Variants in PSMF1 observed in about 807,000 individuals in gnomAD.
PSMF1 encodes the protein proteasome inhibitor PI31 subunit.
A neutral mutation model predicts 29.3 loss-of-function variants in PSMF1; 30 were observed. The observed-to-expected ratio is 1.02, with a 90% CI of 0.77 to 1.39. The LOEUF (loss-of-function observed/expected upper bound fraction) is 1.39, where lower values mean the gene tolerates loss of function less well. Ranked by LOEUF, PSMF1 falls within the 40% of genes most tolerant of loss-of-function variation. The pLI is 0.00. For missense variants in PSMF1, 344 were observed against 357.5 expected, an observed-to-expected ratio of 0.96 and a Z score of 0.31; for synonymous variants, 134 against 139.7, an observed-to-expected ratio of 0.96 and a Z score of 0.29.
At chr20:1,142,195 C>G (rs1003542912) in intron 4 of PSMF1, among the ~76,000 whole-genome samples, 1 of 152,224 alleles carries the variant, frequency 6.6e-6, no homozygotes, top group Non-Finnish European at 1.5e-5. Context: ...CCACTGCACT[C>G]CAGCCTGAAC....
rs184955779 is a variant in PSMF1, at chr20:1,156,983, T to C, written c.552-6147T>C. Among the ~76,000 whole-genome samples, 268 of 152,278 alleles carry C rather than the reference T, an allele frequency of 1.8e-3. 1 individual carries two copies. The highest frequency in any genetic ancestry group is 5.9e-3 in the African/African-American group (246 of 41,548). On this transcript the variant is annotated intron_variant, in intron 4 of 6. Coordinates refer to ENST00000335877, the MANE Select transcript of PSMF1 (RefSeq NM_006814.5). Reference sequence around the variant, plus strand: ...GGGGAGTTTATTAAGTATTAACTTATACGATCACAAGGTCCCACAATAGGC... The same window carrying C: ...GGGGAGTTTATTAAGTATTAACTTACACGATCACAAGGTCCCACAATAGGC...
In PSMF1 at chr20:1,166,643, G is replaced by A. The variant is rs181663182; in HGVS notation, c.*1563G>A. On this transcript the variant is annotated 3_prime_UTR_variant, in exon 7 of 7. Transcript: ENST00000335877. ...AGTCCCCATGGCAAGCAGTGATTTA[G>A]TAAAACACCCCAGAGTCAGGGAAGC... is the stretch of plus-strand genomic sequence containing the variant. The A allele has an allele frequency of 6.6e-4, 152 of 229,050 alleles. No homozygotes were observed. Among genetic ancestry groups the A allele is most frequent in the African/African-American group, 3.2e-3 (144 of 45,200 alleles). The allele number at this position is 229,050 out of a possible 1,614,324, so 14.2% of individuals were successfully genotyped here. A position where few individuals can be genotyped will look rare whatever the true frequency, so the allele number is the denominator to read the frequency against.
rs759564780 is a variant in PSMF1, at chr20:1,170,705, A to C, written c.*5625A>C. On this transcript the variant is annotated 3_prime_UTR_variant, in exon 7 of 7. Coordinates refer to ENST00000335877, the MANE Select transcript of PSMF1 (RefSeq NM_006814.5). Reference sequence around the variant, plus strand: ...CCCCTACCTGCAGGATTCTTGCAAGATCCAACCAAATAATGTGTCTTATTA... The same window carrying C: ...CCCCTACCTGCAGGATTCTTGCAAGCTCCAACCAAATAATGTGTCTTATTA... Among the ~76,000 whole-genome samples the C allele has an allele frequency of 6.6e-6, 1 of 151,762 alleles. No homozygotes were observed. The highest frequency in any genetic ancestry group is 1.5e-5 in the Non-Finnish European group (1 of 67,962).
At chr20:1,126,413 A>G (rs1027810061) in intron 2 of PSMF1, among the ~76,000 whole-genome samples, 1 of 152,204 alleles carries the variant, frequency 6.6e-6, no homozygotes, top group African/African-American at 2.4e-5. Context: ...ATGGAAATAC[A>G]TATAGATATA....
intron 4 of PSMF1, among the ~76,000 whole-genome samples, chr20:1,142,739 A>G (rs1327976631): frequency 2.6e-5 from 4 of 152,230 alleles, no homozygotes; most frequent in African/African-American, 4.8e-5. Flanking sequence ...ATATATGTGC[A>G]TGTGTCTTTA....
intron 4 of PSMF1, among the ~76,000 whole-genome samples, chr20:1,159,628 G>A (rs955108356): frequency 1.3e-5 from 2 of 152,146 alleles, no homozygotes; most frequent in African/African-American, 4.8e-5. Flanking sequence ...CTGGGCGGGG[G>A]GGCACTTCAT....
At chr20:1,129,330 G>A (rs2086200173) in intron 3 of PSMF1, among the ~76,000 whole-genome samples, 1 of 152,186 alleles carries the variant, frequency 6.6e-6, no homozygotes, top group African/African-American at 2.4e-5. Flanking sequence ...TAAATGCACA[G>A]TTATCAAACC....
rs6032977 is a variant in PSMF1 at position 1,159,068 on chromosome 20, A to G, written c.552-4062A>G. On this transcript the variant is annotated intron_variant, in intron 4 of 6. Transcript: ENST00000335877. ...GAGACTCCGTCTCACAAAAAAAAAA[A>G]AAAGAAGAAGTAAATGGGTTCTAAG... Among the ~76,000 whole-genome samples the G allele has an allele frequency of 9.0e-5, 9 of 99,638 alleles. 1 individual carries two copies. In the South Asian group the frequency reaches 2.8e-3, roughly 32 times the overall value. The allele number at this position is 99,638 out of a possible 152,430, so 65.4% of individuals were successfully genotyped here.
In PSMF1 at chr20:1,135,200, G is replaced by A; in HGVS notation, c.445G>A (p.Ala149Thr). 1 of 1,614,114 alleles carries A rather than the reference G, an allele frequency of 6.2e-7. No individual in the cohort carries two copies. The highest frequency in any genetic ancestry group is 1.1e-5 in the South Asian group (1 of 91,088). Residue 149 changes from alanine (A) to threonine (T), a missense_variant, in exon 4 of 7, where the codon GCT becomes ACT. Coordinates refer to ENST00000335877, the MANE Select transcript of PSMF1 (RefSeq NM_006814.5). ...ACCTATCCATGAGCAGTGGGAAAAG[G>A]CTAATGTAAGCAGTCCCCACCGGGA... is the stretch of plus-strand genomic sequence containing the variant. ...ITPIHEQWEK[A>T]NVSSPHREFP...
At chr20:1,135,605 T>C (rs1194307326) in intron 4 of PSMF1, among the ~76,000 whole-genome samples, 1 of 152,192 alleles carries the variant, frequency 6.6e-6, no homozygotes, top group East Asian at 1.9e-4. Context: ...TGCAGTAGTC[T>C]AAGGTTGCTG....
At chr20:1,140,931 A>G (rs533281373) in intron 4 of PSMF1, among the ~76,000 whole-genome samples, 17 of 152,360 alleles carry the variant, frequency 1.1e-4, no homozygotes, top group Non-Finnish European at 2.1e-4. Flanking sequence ...AAAAGTAAGA[A>G]CAACCTAAAT....
In PSMF1 at chr20:1,171,173, A is replaced by T. The variant is rs1399269103; in HGVS notation, c.*6093A>T. Among the ~76,000 whole-genome samples the T allele has an allele frequency of 6.6e-6, 1 of 152,066 alleles. No homozygotes were observed. The highest frequency in any genetic ancestry group is 2.4e-5 in the African/African-American group (1 of 41,396). On this transcript the variant is annotated 3_prime_UTR_variant, in exon 7 of 7. Transcript: ENST00000335877. ...GTCTTAAGGCTCCTCAGTCAGTCCT[A>T]TTTGCACAGCGTGCCTCATGCTCCT... is the stretch of plus-strand genomic sequence containing the variant.
At chr20:1,130,258 T>G (rs1018272126) in intron 3 of PSMF1, among the ~76,000 whole-genome samples, 1 of 152,190 alleles carries the variant, frequency 6.6e-6, no homozygotes, top group Admixed American at 6.5e-5. Flanking sequence ...GGTAGGTGAT[T>G]GCACAACAGT....
intron 4 of PSMF1, among the ~76,000 whole-genome samples, chr20:1,143,092 A>G (rs2086404517): frequency 6.6e-6 from 1 of 152,236 alleles, no homozygotes; most frequent in African/African-American, 2.4e-5. Context: ...TTGATACACT[A>G]TTTTAATGCA....
chr20:1,134,333 C>CA (rs1470556713), intron 3 of PSMF1, among the ~76,000 whole-genome samples: 1 of 151,800 alleles, frequency 6.6e-6, no homozygotes, highest in Non-Finnish European at 1.5e-5. Flanking sequence ...GACTTTGATC[C>CA]AAGGATTTTC....
Position 1,127,514 on chromosome 20 carries a change from T to G in PSMF1, c.365+6T>G, listed in dbSNP as rs753127382. 8 of 1,569,166 alleles carry G rather than the reference T, an allele frequency of 5.1e-6. No individual in the cohort carries two copies. The East Asian group carries it at 1.8e-4, about 35-fold the overall frequency. ...CACCTGGGTGACTTCCACAGGTACT[T>G]CTAAATGATGTCTCTTCCCTGGGAA... On this transcript the variant is annotated splice_donor_region_variant and intron_variant, in intron 3 of 6. Coordinates refer to ENST00000335877, the MANE Select transcript of PSMF1 (RefSeq NM_006814.5).
intron 4 of PSMF1, among the ~76,000 whole-genome samples, chr20:1,146,802 T>A (rs2086455333): frequency 6.6e-6 from 1 of 152,210 alleles, no homozygotes; most frequent in Non-Finnish European, 1.5e-5. Context: ...TGGGAATAAT[T>A]ATAGCTGTGT....
chr20:1,139,050 C>T (rs2086346806), intron 4 of PSMF1, among the ~76,000 whole-genome samples: 1 of 151,926 alleles, frequency 6.6e-6, no homozygotes, highest in African/African-American at 2.4e-5. Context: ...GTTGTGCATG[C>T]CTGTAATCCC....
intron 4 of PSMF1, among the ~76,000 whole-genome samples, chr20:1,137,323 T>C (rs1482231250): frequency 1.3e-5 from 2 of 152,210 alleles, no homozygotes; most frequent in Non-Finnish European, 1.5e-5. Flanking sequence ...CAATGGTTGA[T>C]AAAACTATTA....
Sources: gnomAD v4.1 joint callset for allele counts (sites outside exome capture counted in the v4.1 genomes callset) on GRCh38, gnomAD v4.1.1 for gene constraint, MANE v1.5 for transcripts, NCBI Gene and HGNC (gene_info 2026-07-23, HGNC 2026-07-21) for gene names.